CLASP2: variants seen among roughly 807,000 people sequenced by gnomAD.
CLASP2 encodes the protein CLIP-associating protein 2.
A neutral mutation model predicts 194.4 loss-of-function variants in CLASP2; 47 were observed. The observed-to-expected ratio is 0.24, with a 90% CI of 0.19 to 0.31. The LOEUF (loss-of-function observed/expected upper bound fraction) is 0.31. CLASP2 is among the 10% of genes least tolerant of loss of function. The pLI, the probability that CLASP2 is intolerant of heterozygous loss-of-function variation, is 1.00. For missense variants in CLASP2, 1,445 were observed against 1,823.6 expected (o/e 0.79, Z 3.78); for synonymous variants, 619 against 633.5 (o/e 0.98, Z 0.34).
In CLASP2 at chr3:33,671,977, G is replaced by A. The variant is rs576822825; in HGVS notation, c.645-8462C>T. ...GGTGGAGCCCACCACAGCTCAAGGAGGCCTGCCTGCCTCTGTAGGCTCCAC... is the reference window on the plus strand; with the variant it reads ...GGTGGAGCCCACCACAGCTCAAGGAAGCCTGCCTGCCTCTGTAGGCTCCAC... On this transcript the variant is annotated intron_variant, in intron 6 of 38. Transcript: ENST00000682230. 2.9e-3 allele frequency among the ~76,000 whole-genome samples: 439 copies of A among 152,326 alleles called. 2 individuals carry two copies. Among genetic ancestry groups the A allele is most frequent in the Non-Finnish European group, 4.4e-3 (296 of 68,012 alleles).
intron 6 of CLASP2, among the ~76,000 whole-genome samples, chr3:33,670,026 T>A (rs957670224): frequency 6.6e-6 from 1 of 152,136 alleles, no homozygotes; most frequent in African/African-American, 2.4e-5. Context: ...TATAAGGCTA[T>A]CAAAAAGAAC....
At chr3:33,569,382 A>G (rs187405600) in intron 26 of CLASP2, among the ~76,000 whole-genome samples, 1 of 152,346 alleles carries the variant, frequency 6.6e-6, no homozygotes, top group African/African-American at 2.4e-5. Context: ...AGTAGCAGGA[A>G]TTACTGAAGA....
chr3:33,576,256 G>A lies in CLASP2; in HGVS notation c.2367C>T (p.Ser789=). ...CAGAAGACGACAGTCGACTTGATTG[G>A]CTGATCCCATAACCTGGACCTAATT... is the stretch of plus-strand genomic sequence containing the variant. ...FQPLGPGYGI[S]QSSRLSSSVS... The change falls in exon 24 of 39, where the codon AGC becomes AGT. Residue 789 remains serine (S), a synonymous_variant. Transcript: ENST00000682230. 6.2e-7 allele frequency: 1 copy of A among 1,613,514 alleles called. No individual in the cohort carries two copies. Among genetic ancestry groups the A allele is most frequent in the Non-Finnish European group, 8.5e-7 (1 of 1,179,516 alleles).
chr3:33,520,850 C>T (rs2052834717), intron 34 of CLASP2, among the ~76,000 whole-genome samples: 10 of 151,726 alleles, frequency 6.6e-5, no homozygotes, highest in Admixed American at 6.6e-4. Flanking sequence ...CACACACACA[C>T]ACACACACAC....
rs2045969203 is a variant in CLASP2, at chr3:33,497,669, A to G, written c.*962T>C. ...AAGGAAACCAGGTTCCACCATTTAA[A>G]GAAAAGGTGCTGGTCACTCCCATGT... On this transcript the variant is annotated 3_prime_UTR_variant, in exon 39 of 39. Coordinates refer to ENST00000682230, the MANE Select transcript of CLASP2 (RefSeq NM_001365631.1). 1 of 152,660 alleles carries G rather than the reference A, an allele frequency of 6.6e-6. No homozygotes were observed. Among genetic ancestry groups the G allele is most frequent in the Non-Finnish European group, 1.5e-5 (1 of 68,042 alleles). The allele number at this position is 152,660 out of a possible 1,614,324, so 9.5% of individuals were successfully genotyped here. A position where few individuals can be genotyped will look rare whatever the true frequency, so the allele number is the denominator to read the frequency against.
At chr3:33,556,360 A>G (rs980378364) in intron 29 of CLASP2, among the ~76,000 whole-genome samples, 1 of 152,230 alleles carries the variant, frequency 6.6e-6, no homozygotes, top group African/African-American at 2.4e-5. Context: ...TATTTTTGGC[A>G]TAAAGTATGG....
chr3:33,675,012 G>A (rs2088232355), intron 6 of CLASP2, among the ~76,000 whole-genome samples: 2 of 152,086 alleles, frequency 1.3e-5, no homozygotes, highest in South Asian at 2.1e-4. Flanking sequence ...AGAGGTACAA[G>A]GAGGAGCTGG....
chr3:33,611,763 C>T (rs1486435583), intron 13 of CLASP2, among the ~76,000 whole-genome samples: 2 of 152,054 alleles, frequency 1.3e-5, no homozygotes, highest in African/African-American at 4.8e-5. Context: ...CCAAGGCAAC[C>T]AGCAGCCCAA....
chr3:33,642,792 G>A (rs2081550909), intron 8 of CLASP2, among the ~76,000 whole-genome samples: 1 of 151,804 alleles, frequency 6.6e-6, no homozygotes, highest in Non-Finnish European at 1.5e-5. Flanking sequence ...CCTCTGGCCA[G>A]TAGCTCTTTT....
chr3:33,548,796 G>A (rs1329412465), intron 30 of CLASP2, among the ~76,000 whole-genome samples: 1 of 134,944 alleles, frequency 7.4e-6, no homozygotes, highest in African/African-American at 2.8e-5. Flanking sequence ...TGAGTTGGGA[G>A]TCTCACTATC....
chr3:33,574,594 G>C (rs2064441267), intron 24 of CLASP2: 1 of 652,496 alleles, frequency 1.5e-6, no homozygotes, highest in Non-Finnish European at 2.6e-6. Context: ...CCTATGATCA[G>C]AAACATTACG....
At chr3:33,526,830 T>C (rs1449711617) in intron 34 of CLASP2, among the ~76,000 whole-genome samples, 1 of 152,126 alleles carries the variant, frequency 6.6e-6, no homozygotes, top group Non-Finnish European at 1.5e-5. Context: ...TGAAAATTGC[T>C]CAAAAACATG....
intron 6 of CLASP2, among the ~76,000 whole-genome samples, chr3:33,678,842 C>CAAGATG (rs2089303635): frequency 6.6e-6 from 1 of 152,190 alleles, no homozygotes; most frequent in Non-Finnish European, 1.5e-5. Flanking sequence ...GTCAGTTCTT[C>CAAGATG]CCAACTTGAT....
At position 33,632,195 on chromosome 3, in the gene CLASP2, A is replaced by G. The variant is rs377156023; in HGVS notation, c.942+97T>C. On this transcript the variant is annotated intron_variant, in intron 9 of 38. Transcript: ENST00000682230. ...TCAAATATTTCATTTATATAGCTAT[A>G]TAAGGAAAAAAGAATTCTTAAAAAG... is the stretch of plus-strand genomic sequence containing the variant. 9 of 696,186 alleles carry G rather than the reference A, an allele frequency of 1.3e-5. 1 individual carries two copies. The highest frequency in any genetic ancestry group is 4.9e-4 in the Middle Eastern group (2 of 4,078). The allele number at this position is 696,186 out of a possible 1,614,324, so 43.1% of individuals were successfully genotyped here.
At chr3:33,637,364 T>G (rs147892336) in intron 8 of CLASP2, among the ~76,000 whole-genome samples, 7 of 151,962 alleles carry the variant, frequency 4.6e-5, no homozygotes, top group Non-Finnish European at 1.0e-4. Flanking sequence ...AACCCCATCT[T>G]TACTAAAAAT....
At chr3:33,624,336 G>A (rs1463554809) in intron 10 of CLASP2, among the ~76,000 whole-genome samples, 4 of 151,928 alleles carry the variant, frequency 2.6e-5, no homozygotes, top group Non-Finnish European at 1.5e-5. Flanking sequence ...ATATAATCTT[G>A]GGCATATAAG....
chr3:33,613,915 A>G (rs1370516119), intron 12 of CLASP2, among the ~76,000 whole-genome samples: 2 of 152,244 alleles, frequency 1.3e-5, no homozygotes, highest in Non-Finnish European at 2.9e-5. Context: ...CCATTGCTAC[A>G]TCATACTCAG....
At chr3:33,683,233 A>G (rs1162271870) in intron 6 of CLASP2, 1 of 152,266 alleles carries the variant, frequency 6.6e-6, no homozygotes, top group African/African-American at 2.4e-5. Flanking sequence ...AAATGAATAT[A>G]TAATGAAACA....
At chr3:33,588,384 C>A (rs377474014) in intron 21 of CLASP2, among the ~76,000 whole-genome samples, 4 of 152,174 alleles carry the variant, frequency 2.6e-5, no homozygotes, top group Admixed American at 2.6e-4. Context: ...AACTTGACAT[C>A]GAACACCTAT....
Sources: allele counts gnomAD v4.1 joint callset (sites outside exome capture counted in the v4.1 genomes callset), GRCh38; gene constraint gnomAD v4.1.1; transcripts MANE v1.5; gene names NCBI Gene and HGNC (gene_info 2026-07-23, HGNC 2026-07-21).